Variants in CNOT4 observed in about 807,000 individuals in gnomAD.
CNOT4 encodes CCR4-associated factor 4.
Under a neutral mutation model 73.8 loss-of-function variants are expected in CNOT4, and 8 were observed. That is an observed-to-expected ratio of 0.11 (90% CI 0.06 to 0.20). CNOT4 has a LOEUF of 0.20. Among genes scored for constraint, CNOT4 ranks in the 10% least tolerant of loss-of-function variants. CNOT4 has a pLI of 1.00. For missense variants in CNOT4, 564 were observed against 883.4 expected, an observed-to-expected ratio of 0.64 and a Z score of 4.58; for synonymous variants, 293 against 321.1, an observed-to-expected ratio of 0.91 and a Z score of 0.94.
intron 1 of CNOT4, chr7:135,444,537 G>C: frequency 8.1e-7 from 1 of 1,239,688 alleles, no homozygotes; most frequent in Non-Finnish European, 1.2e-6. Flanking sequence ...GGTCAGACCT[G>C]CTTATATCTC....
intron 1 of CNOT4, among the ~76,000 whole-genome samples, chr7:135,463,479 A>G (rs1460076582): frequency 1.2e-5 from 1 of 86,142 alleles, no homozygotes; most frequent in Non-Finnish European, 2.3e-5. Flanking sequence ...TGGAGGTTGC[A>G]GTGAGCCGAG....
chr7:135,388,119 A>C (rs1021147013), intron 10 of CNOT4: 5 of 985,148 alleles, frequency 5.1e-6, no homozygotes, highest in Non-Finnish European at 6.0e-6. Flanking sequence ...GTGCATTAGA[A>C]AAGAGATTAT....
At chr7:135,367,333 C>G (rs963818989) in intron 10 of CNOT4, among the ~76,000 whole-genome samples, 1 of 152,096 alleles carries the variant, frequency 6.6e-6, no homozygotes, top group Non-Finnish European at 1.5e-5. Flanking sequence ...TTTCTTTATA[C>G]AGGACTTCAC....
At chr7:135,398,572 A>C (rs1011534969) in intron 7 of CNOT4, among the ~76,000 whole-genome samples, 22 of 151,556 alleles carry the variant, frequency 1.5e-4, no homozygotes, top group Non-Finnish European at 4.4e-5. Flanking sequence ...AATCCAAAAG[A>C]AAAAAAAATC....
At chr7:135,374,016 G>C (rs1475303949) in intron 10 of CNOT4, among the ~76,000 whole-genome samples, 1 of 152,202 alleles carries the variant, frequency 6.6e-6, no homozygotes, top group Non-Finnish European at 1.5e-5. Flanking sequence ...ATAATGCGTA[G>C]CATTTTGACT....
chr7:135,379,822 T>C (rs558142394), intron 10 of CNOT4, among the ~76,000 whole-genome samples: 2 of 152,314 alleles, frequency 1.3e-5, no homozygotes, highest in Admixed American at 1.3e-4. Context: ...GTTGTCAGAC[T>C]TCTTGCAAAT....
intron 1 of CNOT4, among the ~76,000 whole-genome samples, chr7:135,470,926 A>G (rs1384456686): frequency 6.6e-6 from 1 of 152,228 alleles, no homozygotes; most frequent in East Asian, 1.9e-4. Context: ...GCATTTGTCA[A>G]AACTCATCTA....
In CNOT4 at chr7:135,367,642, A is replaced by AC. The variant is rs1489076331; in HGVS notation, c.1628-3577dup. On this transcript the variant is annotated intron_variant, in intron 10 of 11. Transcript: ENST00000541284. ...AAAAAGCTAAGGCAGGGTATTTCTT[A>AC]CTGCCAGGAACTAGCCCTGTGTACT... Among the ~76,000 whole-genome samples the AC allele has an allele frequency of 1.4e-4, 21 of 152,334 alleles. 1 individual carries two copies. The highest frequency in any genetic ancestry group is 9.2e-4 in the Admixed American group (14 of 15,300).
intron 2 of CNOT4, among the ~76,000 whole-genome samples, chr7:135,427,621 A>AT (rs1798579995): frequency 6.6e-6 from 1 of 152,238 alleles, no homozygotes; most frequent in Non-Finnish European, 1.5e-5. Flanking sequence ...TAATTTATGT[A>AT]TTACAGGTAA....
chr7:135,426,551 C>T (rs920458953), intron 2 of CNOT4, among the ~76,000 whole-genome samples: 16 of 148,190 alleles, frequency 1.1e-4, no homozygotes, highest in Non-Finnish European at 1.5e-4. Flanking sequence ...TGCAGTGAGC[C>T]GAGATCGTGC....
chr7:135,372,130 T>C (rs1004218875), intron 10 of CNOT4, among the ~76,000 whole-genome samples: 1 of 152,240 alleles, frequency 6.6e-6, no homozygotes. Context: ...CTCTGAAGTC[T>C]AAATCTGCTA....
chr7:135,442,123 T>C (rs1346209705), intron 1 of CNOT4, among the ~76,000 whole-genome samples: 2 of 152,178 alleles, frequency 1.3e-5, no homozygotes, highest in Non-Finnish European at 2.9e-5. Context: ...ATCTGAACAA[T>C]GAAGAAACAC....
At chr7:135,428,713 G>T (rs1798652185) in intron 2 of CNOT4, among the ~76,000 whole-genome samples, 1 of 151,266 alleles carries the variant, frequency 6.6e-6, no homozygotes, top group African/African-American at 2.4e-5. Flanking sequence ...AGAAGACAGT[G>T]AAAAAAAATC....
At chr7:135,450,125 C>T (rs928828470) in intron 1 of CNOT4, among the ~76,000 whole-genome samples, 3 of 152,074 alleles carry the variant, frequency 2.0e-5, no homozygotes, top group Non-Finnish European at 2.9e-5. Flanking sequence ...GCAGGAGAAT[C>T]GCTTAAGCCC....
chr7:135,452,510 C>G (rs540514993), intron 1 of CNOT4, among the ~76,000 whole-genome samples: 2 of 152,128 alleles, frequency 1.3e-5, no homozygotes, highest in South Asian at 4.2e-4. Flanking sequence ...GCGGAGGTTG[C>G]AGTGAGCTGA....
At chr7:135,440,340 T>C (rs1432753666) in intron 1 of CNOT4, among the ~76,000 whole-genome samples, 1 of 151,674 alleles carries the variant, frequency 6.6e-6, no homozygotes, top group African/African-American at 2.4e-5. Flanking sequence ...TTTTTTTTTT[T>C]TTTTACCCCA....
chr7:135,477,001 A>G (rs1802034604), intron 1 of CNOT4, among the ~76,000 whole-genome samples: 1 of 152,198 alleles, frequency 6.6e-6, no homozygotes, highest in African/African-American at 2.4e-5. Context: ...CTTTTCTTCT[A>G]TTTTGTCATT....
At chr7:135,372,801 A>G (rs1795289261) in intron 10 of CNOT4, among the ~76,000 whole-genome samples, 1 of 152,028 alleles carries the variant, frequency 6.6e-6, no homozygotes, top group African/African-American at 2.4e-5. Flanking sequence ...GTGATCCACC[A>G]GCCTCAGCCT....
chr7:135,448,415 G>A (rs1799958916), intron 1 of CNOT4, among the ~76,000 whole-genome samples: 1 of 151,870 alleles, frequency 6.6e-6, no homozygotes, highest in Non-Finnish European at 1.5e-5. Context: ...GTGGTGGCGG[G>A]CACCTGTAAT....
Sources: gnomAD v4.1 joint callset for allele counts (sites outside exome capture counted in the v4.1 genomes callset) on GRCh38, gnomAD v4.1.1 for gene constraint, MANE v1.5 for transcripts, NCBI Gene and HGNC (gene_info 2026-07-23, HGNC 2026-07-21) for gene names.